The following DISP3 variants were observed in gnomAD, a reference collection of about 807,000 sequenced individuals.
The protein encoded by DISP3 is protein dispatched homolog 3.
Under a neutral mutation model 135.3 loss-of-function variants are expected in DISP3, and 101 were observed. The observed-to-expected ratio is 0.75, with a 90% CI of 0.64 to 0.88. The LOEUF is 0.88. DISP3 is among the 40% of genes least tolerant of loss of function. DISP3 has a pLI of 0.00. For synonymous variants in DISP3, 856 were observed against 817.0 expected, an observed-to-expected ratio of 1.05 and a Z score of -0.81; for missense variants, 1,713 against 1,878.6, an observed-to-expected ratio of 0.91 and a Z score of 1.63.
intron 1 of DISP3, among the ~76,000 whole-genome samples, chr1:11,489,893 C>T (rs1205881441): frequency 6.6e-6 from 1 of 152,218 alleles, no homozygotes; most frequent in Non-Finnish European, 1.5e-5. Flanking sequence ...TTAATCACGT[C>T]TCAGAATGAA....
At chr1:11,502,233 A>T in intron 2 of DISP3, 145 bp downstream of exon 2, 3 of 1,306,540 alleles carry the variant, frequency 2.3e-6, no homozygotes, top group Non-Finnish European at 3.0e-6. Context: ...GGGCAAGGTG[A>T]AAAGGGCTGG....
intron 1 of DISP3, among the ~76,000 whole-genome samples, chr1:11,485,611 C>T (rs1300855559): frequency 6.6e-6 from 1 of 152,144 alleles, no homozygotes; most frequent in African/African-American, 2.4e-5. Flanking sequence ...TTGACCTTTG[C>T]ACTGTCCTGG....
chr1:11,489,112 A>C (rs1324911506), intron 1 of DISP3, among the ~76,000 whole-genome samples: 1 of 152,186 alleles, frequency 6.6e-6, no homozygotes, highest in Non-Finnish European at 1.5e-5. Flanking sequence ...GGGAGCCCCA[A>C]GTTCTCAGAG....
Position 11,519,675 on chromosome 1 carries a change from G to T in DISP3, c.2039-44G>T. 1 of 1,597,688 alleles carries T rather than the reference G, an allele frequency of 6.3e-7. No homozygotes were observed. On this transcript the variant is annotated intron_variant, in intron 8 of 20. Coordinates refer to ENST00000294484, the MANE Select transcript of DISP3 (RefSeq NM_020780.2). This position sits in a 1 kb window ranked among gnomAD's most constrained non-coding sequence, Gnocchi z 4.3. ...CTGGAAGCGAGCGTGGACCACAGTGGGCTTTGATTCAGGCTCTGACGGGCC... is the reference window on the plus strand; with the variant it reads ...CTGGAAGCGAGCGTGGACCACAGTGTGCTTTGATTCAGGCTCTGACGGGCC...
chr1:11,497,338 CTT>C (rs1241732379), intron 1 of DISP3, among the ~76,000 whole-genome samples: 1 of 152,064 alleles, frequency 6.6e-6, no homozygotes, highest in African/African-American at 2.4e-5. Flanking sequence ...TATTTGTAGT[CTT>C]TTATCCCTTG....
intron 1 of DISP3, among the ~76,000 whole-genome samples, chr1:11,484,903 C>T (rs1420996168): frequency 6.6e-6 from 1 of 152,124 alleles, no homozygotes; most frequent in Non-Finnish European, 1.5e-5. Context: ...AAGGCCTTCT[C>T]CATTATTTCC....
At chr1:11,530,620 G>A (rs546169493) in intron 15 of DISP3, among the ~76,000 whole-genome samples, 1 of 152,180 alleles carries the variant, frequency 6.6e-6, no homozygotes, top group East Asian at 1.9e-4. Flanking sequence ...GTCTGGGAGG[G>A]TGGGGAGAAA....
At position 11,502,697 on chromosome 1, in the gene DISP3, G is replaced by A. The variant is rs1404912833; in HGVS notation, c.1116G>A (p.Met372Ile). 2.5e-6 allele frequency: 4 copies of A among 1,614,074 alleles called. No homozygotes were observed. Among genetic ancestry groups the A allele is most frequent in the Non-Finnish European group, 3.4e-6 (4 of 1,179,998 alleles). Residue 372 changes from methionine (M) to isoleucine (I), a missense_variant, in exon 3 of 21, where the codon ATG (methionine) becomes ATA (isoleucine). By Grantham distance (10) the Met-to-Ile change is conservative (BLOSUM62 1). Coordinates refer to ENST00000294484, the MANE Select transcript of DISP3 (RefSeq NM_020780.2). Reference protein sequence around the residue: ...ADIRGSLELAMTHPEFYWYVD... With the variant: ...ADIRGSLELAITHPEFYWYVD... ...TTGCAGGCTCCCTGGAGCTGGCCAT[G>A]ACTCACCCTGAGTTCTACTGGTATG...
intron 10 of DISP3, among the ~76,000 whole-genome samples, chr1:11,522,793 A>ACCCAGCCAGG (rs1642268272): frequency 6.8e-5 from 1 of 14,796 alleles, no homozygotes; most frequent in Non-Finnish European, 1.4e-4. Context: ...GCCCAGCCAG[A>ACCCAGCCAGG]GCCCAGCCAG....
intron 13 of DISP3, among the ~76,000 whole-genome samples, chr1:11,527,897 C>T (rs148006784): frequency 2.0e-5 from 3 of 152,332 alleles, no homozygotes; most frequent in East Asian, 3.9e-4. Flanking sequence ...TCTCTCCATA[C>T]GTCACCCACT....
Position 11,520,011 on chromosome 1 carries a change from C to A in DISP3, c.2200+131C>A, listed in dbSNP as rs1570123226. On this transcript the variant is annotated intron_variant, in intron 9 of 20. Transcript: ENST00000294484. The surrounding 1 kb of genome is among the most constrained non-coding windows in gnomAD (Gnocchi z 4.8). ...TGGGCTGGGGTCTCTCCCTCTCTGA[C>A]CCCCCCTCTTTCCTGTGCAGAATGA... is the stretch of plus-strand genomic sequence containing the variant. The A allele has an allele frequency of 8.3e-6, 7 of 842,702 alleles. No individual in the cohort carries two copies. Among genetic ancestry groups the A allele is most frequent in the Non-Finnish European group, 1.3e-5 (7 of 555,804 alleles). The allele number at this position is 842,702 out of a possible 1,614,324, so 52.2% of individuals were successfully genotyped here.
At position 11,501,747 on chromosome 1, in the gene DISP3, G is replaced by A; in HGVS notation, c.755G>A (p.Gly252Asp). Residue 252 changes from glycine to aspartate, a missense_variant, in exon 2 of 21, where the codon GGC becomes GAC. This residue lies in a region of DISP3 where 571 missense variants were observed against 494.1 expected (regional missense o/e 1.16). Transcript: ENST00000294484. The surrounding 1 kb of genome is among the most constrained non-coding windows in gnomAD (Gnocchi z 4.9). ...VAANQSRARRGASRWDYSRAY... is the reference protein window; with the variant it reads ...VAANQSRARRDASRWDYSRAY... Reference sequence around the variant, plus strand: ...GCCAATCAGAGCCGTGCCCGCCGAGGCGCCTCGCGCTGGGACTACTCGCGC... The same window carrying A: ...GCCAATCAGAGCCGTGCCCGCCGAGACGCCTCGCGCTGGGACTACTCGCGC... 1 of 1,591,626 alleles carries A rather than the reference G, an allele frequency of 6.3e-7. No individual in the cohort carries two copies. Among genetic ancestry groups the A allele is most frequent in the Non-Finnish European group, 8.6e-7 (1 of 1,167,280 alleles).
intron 1 of DISP3, chr1:11,481,432 CTGGCTAGCCATGAGATCTG>C (rs1640901801): frequency 6.6e-6 from 1 of 152,236 alleles, no homozygotes; most frequent in Non-Finnish European, 1.5e-5. Context: ...CCCTCGAGAT[CTGGCTAGCCATGAGATCTG>C]GTAGCCATGA....
chr1:11,509,009 A>G (rs1641782803), intron 3 of DISP3, among the ~76,000 whole-genome samples: 1 of 152,046 alleles, frequency 6.6e-6, no homozygotes, highest in Non-Finnish European at 1.5e-5. Context: ...TCGATTTGAA[A>G]CTTTTCTTTC....
rs779449261 is a variant in DISP3, at chr1:11,536,484, C to T, written c.3977C>T (p.Thr1326Met). 6.8e-6 allele frequency: 11 copies of T among 1,613,410 alleles called. No individual in the cohort carries two copies. The highest frequency in any genetic ancestry group is 9.3e-6 in the Non-Finnish European group (11 of 1,179,940). ...AKFGKIVALN[T>M]GVSILYTLTV... ...TTCGGCAAGATTGTGGCACTCAACA[C>T]GGGCGTGTCCATCCTCTACACGCTG... The change falls in exon 21 of 21, where the codon ACG becomes ATG. Residue 1326 changes from threonine to methionine, a missense_variant. This residue lies in a region of DISP3 where 1,142 missense variants were observed against 1,384.6 expected (regional missense o/e 0.82). Coordinates refer to ENST00000294484, the MANE Select transcript of DISP3 (RefSeq NM_020780.2). This position sits in a 1 kb window ranked among gnomAD's most constrained non-coding sequence, Gnocchi z 4.3.
In DISP3 at chr1:11,501,889, T is replaced by A; in HGVS notation, c.897T>A (p.His299Gln). ...CCAGTGAGCGCCTGGTCACGATCCA[T>A]GAGATCGAGCGCAAGATCATGGACC... ...IFTSERLVTI[H>Q]EIERKIMDHP... The change falls in exon 2 of 21, where the codon CAT (histidine) becomes CAA (glutamine). Residue 299 changes from histidine to glutamine, a missense_variant. By Grantham distance (24) the His-to-Gln change is conservative (BLOSUM62 0). Coordinates refer to ENST00000294484, the MANE Select transcript of DISP3 (RefSeq NM_020780.2). The surrounding 1 kb of genome is among the most constrained non-coding windows in gnomAD (Gnocchi z 4.9). 2.5e-6 allele frequency: 4 copies of A among 1,613,260 alleles called. No individual in the cohort carries two copies. Among genetic ancestry groups the A allele is most frequent in the Non-Finnish European group, 3.4e-6 (4 of 1,179,700 alleles).
intron 3 of DISP3, among the ~76,000 whole-genome samples, chr1:11,507,001 T>C (rs1363028733): frequency 2.6e-5 from 4 of 152,086 alleles, no homozygotes; most frequent in Non-Finnish European, 4.4e-5. Context: ...TGAGACAGCG[T>C]TTCACTATGT....
At position 11,516,278 on chromosome 1, in the gene DISP3, AC is replaced by A; in HGVS notation, c.1749+118del. 7.9e-7 allele frequency: 1 copy of A among 1,264,588 alleles called. No individual in the cohort carries two copies. Among genetic ancestry groups the A allele is most frequent in the South Asian group, 1.5e-5 (1 of 64,760 alleles). 78.3% of individuals were successfully genotyped at this position (1,264,588 alleles called of 1,614,324 possible). A position where few individuals can be genotyped will look rare whatever the true frequency, so the allele number is the denominator to read the frequency against. ...GGCCATATAGCCTTCACCTCAAGGT[AC>A]TTGCCCTGGCTCTAGAGTTCATTTT... is the stretch of plus-strand genomic sequence containing the variant. On this transcript the variant is annotated intron_variant, in intron 6 of 20. Coordinates refer to ENST00000294484, the MANE Select transcript of DISP3 (RefSeq NM_020780.2). This position sits in a 1 kb window ranked among gnomAD's most constrained non-coding sequence, Gnocchi z 5.1.
At chr1:11,533,051 C>T (rs1484452446) in intron 17 of DISP3, among the ~76,000 whole-genome samples, 2 of 151,912 alleles carry the variant, frequency 1.3e-5, no homozygotes, top group Non-Finnish European at 2.9e-5. Context: ...AGTATGTTCA[C>T]ACTGTTATGC....
Sources: allele counts gnomAD v4.1 joint callset (sites outside exome capture counted in the v4.1 genomes callset), GRCh38; gene constraint gnomAD v4.1.1; regional missense constraint gnomAD v4.1.1; non-coding constraint Gnocchi (gnomAD v3.1); transcripts MANE v1.5; gene names NCBI Gene and HGNC (gene_info 2026-07-23, HGNC 2026-07-21).